Variants in ASCC2 observed in about 807,000 individuals in gnomAD.
The protein encoded by ASCC2 is activating signal cointegrator 1 complex subunit 2, also known as ASC-1 complex subunit P100.
A neutral mutation model predicts 93.5 loss-of-function variants in ASCC2; 42 were observed. The observed-to-expected ratio is 0.45, with a 90% CI of 0.35 to 0.58. The LOEUF is 0.58. Ranked by LOEUF, ASCC2 falls within the 20% of genes least tolerant of loss-of-function variation. The pLI is 0.00. For synonymous variants in ASCC2, 364 were observed against 384.2 expected, an observed-to-expected ratio of 0.95 and a Z score of 0.62; for missense variants, 859 against 977.6, an observed-to-expected ratio of 0.88 and a Z score of 1.62.
chr22:29,801,527 A>T (rs538627257), intron 14 of ASCC2, among the ~76,000 whole-genome samples: 29 of 152,234 alleles, frequency 1.9e-4, no homozygotes, highest in Admixed American at 3.3e-4. Context: ...TCACTTGCTC[A>T]TGGAAGAAAC....
chr22:29,796,194 C>T (rs1451692789), intron 15 of ASCC2, among the ~76,000 whole-genome samples: 1 of 152,044 alleles, frequency 6.6e-6, no homozygotes, highest in Non-Finnish European at 1.5e-5. Flanking sequence ...CTGCAACCTC[C>T]ACCAGCCGGG....
intron 5 of ASCC2, among the ~76,000 whole-genome samples, chr22:29,817,125 G>A (rs73161063): frequency 5.9e-5 from 9 of 152,264 alleles, no homozygotes; most frequent in Non-Finnish European, 1.3e-4. Context: ...GCACTTTCCT[G>A]GATGCCACTG....
chr22:29,808,277 C>T, intron 8 of ASCC2, 92 bp from the exon 9 acceptor site: 2 of 1,317,366 alleles, frequency 1.5e-6, no homozygotes, highest in Non-Finnish European at 2.1e-6. Flanking sequence ...AGTGGGAAGG[C>T]CCATTTCTTT....
intron 2 of ASCC2, among the ~76,000 whole-genome samples, chr22:29,827,210 A>G (rs919423981): frequency 6.6e-6 from 1 of 151,638 alleles, no homozygotes; most frequent in Admixed American, 6.6e-5. Context: ...GTAGAATCAC[A>G]AGTTCTCCCT....
At chr22:29,789,335 G>A in intron 19 of ASCC2, 151 bp from the exon 20 acceptor site, 2 of 970,492 alleles carry the variant, frequency 2.1e-6, no homozygotes, top group Admixed American at 2.1e-5. Context: ...GAGAGATGGA[G>A]CCCAGCAGGG....
At chr22:29,829,581 C>T (rs2062862523) in intron 2 of ASCC2, among the ~76,000 whole-genome samples, 1 of 151,984 alleles carries the variant, frequency 6.6e-6, no homozygotes, top group Non-Finnish European at 1.5e-5. Context: ...ATTAGCTGGT[C>T]CCAGCTACTC....
intron 12 of ASCC2, among the ~76,000 whole-genome samples, chr22:29,805,530 A>T (rs1024855725): frequency 2.0e-5 from 3 of 151,596 alleles, no homozygotes; most frequent in Non-Finnish European, 4.4e-5. Context: ...CTGCTTCACA[A>T]CCTTCCGCGC....
At chr22:29,813,387 T>C in intron 8 of ASCC2, 43 bp downstream of exon 8, 2 of 1,318,370 alleles carry the variant, frequency 1.5e-6, no homozygotes, top group Non-Finnish European at 2.2e-6. Flanking sequence ...AATTAGTACA[T>C]AAGCCAGTAT....
At chr22:29,795,804 T>C (rs548171351) in intron 15 of ASCC2, among the ~76,000 whole-genome samples, 13 of 152,068 alleles carry the variant, frequency 8.5e-5, no homozygotes, top group African/African-American at 3.1e-4. Context: ...GTCAGAAACA[T>C]ACCCAGGCCT....
intron 2 of ASCC2, among the ~76,000 whole-genome samples, chr22:29,829,622 C>T (rs1001778235): frequency 1.3e-5 from 2 of 151,982 alleles, no homozygotes; most frequent in Non-Finnish European, 2.9e-5. Flanking sequence ...TCACTTGAAC[C>T]CGGGAGGCGG....
At chr22:29,809,780 A>C (rs962090903) in intron 8 of ASCC2, 1 of 152,112 alleles carries the variant, frequency 6.6e-6, no homozygotes, top group African/African-American at 2.4e-5. Flanking sequence ...CTGTCTCAAA[A>C]AAAAATTTAA....
intron 2 of ASCC2, among the ~76,000 whole-genome samples, chr22:29,829,812 CG>C (rs2148343839): frequency 6.6e-6 from 1 of 152,154 alleles, no homozygotes; most frequent in African/African-American, 2.4e-5. Context: ...CGTGAGCTAC[CG>C]GGCCTGGCCA....
rs556649848 is a variant in ASCC2 at position 29,819,398 on chromosome 22, G to A, written c.541+2937C>T. Among the ~76,000 whole-genome samples the A allele has an allele frequency of 2.0e-5, 3 of 152,206 alleles. No individual in the cohort carries two copies. In the South Asian group the frequency reaches 6.2e-4, roughly 32 times the overall value. On this transcript the variant is annotated intron_variant, in intron 5 of 19. Coordinates refer to ENST00000307790, the MANE Select transcript of ASCC2 (RefSeq NM_032204.5). ...GCTGGTCTCAAACTCCTGACCTCAG[G>A]TGATCCACCCACCTCAGCCTCCCAA...
At chr22:29,804,947 T>A in intron 12 of ASCC2, 117 bp from the exon 13 acceptor site, 1 of 1,143,588 alleles carries the variant, frequency 8.7e-7, no homozygotes, top group Admixed American at 2.1e-5. Flanking sequence ...CTGGGCTATA[T>A]CTAAGTGGTA....
chr22:29,801,983 G>A lies in ASCC2; in HGVS notation c.1568+11C>T. On this transcript the variant is annotated intron_variant, in intron 14 of 19. Transcript: ENST00000307790. ...GGGCAGCGGGAGCCTCCTCCCACCT[G>A]TCTCTCCCACCTGTCTAGGTTGCGG... 1.3e-6 allele frequency: 2 copies of A among 1,572,432 alleles called. No individual in the cohort carries two copies. Among genetic ancestry groups the A allele is most frequent in the African/African-American group, 1.3e-5 (1 of 74,172 alleles).
At chr22:29,824,493 G>A (rs1040619432) in intron 4 of ASCC2, among the ~76,000 whole-genome samples, 3 of 151,702 alleles carry the variant, frequency 2.0e-5, no homozygotes, top group East Asian at 2.0e-4. Flanking sequence ...GTGCATGCCT[G>A]TATCTCAGCT....
intron 1 of ASCC2, among the ~76,000 whole-genome samples, chr22:29,836,715 G>A (rs1413170131): frequency 6.6e-6 from 1 of 152,068 alleles, no homozygotes; most frequent in Non-Finnish European, 1.5e-5. Context: ...CATACGCCTG[G>A]CTAATTTTTG....
chr22:29,796,821 C>A (rs1197145201), intron 15 of ASCC2, among the ~76,000 whole-genome samples: 2 of 152,172 alleles, frequency 1.3e-5, no homozygotes, highest in African/African-American at 4.8e-5. Context: ...CTGTGCTGGG[C>A]CAGGAGACTG....
chr22:29,801,640 C>T (rs748418068), intron 14 of ASCC2, among the ~76,000 whole-genome samples: 1 of 152,186 alleles, frequency 6.6e-6, no homozygotes, highest in Non-Finnish European at 1.5e-5. Context: ...TGGCCATCCT[C>T]TCTCACAAAT....
Sources: allele counts gnomAD v4.1 joint callset (sites outside exome capture counted in the v4.1 genomes callset), GRCh38; gene constraint gnomAD v4.1.1; transcripts MANE v1.5; gene names NCBI Gene and HGNC (gene_info 2026-07-23, HGNC 2026-07-21).